Variants in SLC25A43 observed in about 807,000 individuals in gnomAD.
SLC25A43 encodes the protein solute carrier family 25, member 43.
A neutral mutation model predicts 22.8 loss-of-function variants in SLC25A43; 10 were observed. The observed-to-expected ratio is 0.44, with a 90% CI of 0.27 to 0.74. SLC25A43 has a LOEUF of 0.74. SLC25A43 is among the 30% of genes least tolerant of loss of function. The pLI is 0.17. For synonymous variants in SLC25A43, 106 were observed against 121.6 expected (o/e 0.87, Z 0.84); for missense variants, 233 against 279.1 (o/e 0.83, Z 1.18).
rs775379926 is a variant in SLC25A43, at chrX:119,410,256, C to T, written c.584C>T (p.Pro195Leu). ...AACCTGGAGAAAATCTGGAACGGAC[C>T]CCGAGATCAGTTCTCTCTCCCACAG... is the stretch of plus-strand genomic sequence containing the variant. Reference protein sequence around the residue: ...YMNLEKIWNGPRDQFSLPQNF... With the variant: ...YMNLEKIWNGLRDQFSLPQNF... The change falls in exon 3 of 5, where the codon CCC becomes CTC. Residue 195 changes from proline (P) to leucine (L), a missense_variant. Transcript: ENST00000217909. 3 of 1,210,442 alleles carry T rather than the reference C, an allele frequency of 2.5e-6. No homozygotes were observed. The highest frequency in any genetic ancestry group is 3.4e-6 in the Non-Finnish European group (3 of 894,982).
At chrX:119,451,831 C>T (rs761187557) in intron 3 of SLC25A43, 178 bp from the exon 4 acceptor site, 76 of 1,074,452 alleles carry the variant, frequency 7.1e-5, no homozygotes, top group African/African-American at 4.9e-4. Flanking sequence ...TTGTATTGCA[C>T]GTTAATATCT....
intron 3 of SLC25A43, among the ~76,000 whole-genome samples, chrX:119,427,534 C>G (rs983627075): frequency 8.9e-6 from 1 of 112,214 alleles, no homozygotes; most frequent in African/African-American, 3.2e-5. Context: ...CTATTTGGGT[C>G]CCGGCTATGC....
chrX:119,448,630 G>A (rs1021701326), intron 3 of SLC25A43, among the ~76,000 whole-genome samples: 1 of 111,682 alleles, frequency 9.0e-6, no homozygotes, highest in Non-Finnish European at 1.9e-5. Context: ...TCTCCAAAAA[G>A]CCATCTTCTT....
chrX:119,403,199 G>A lies in SLC25A43; in HGVS notation c.276-3261G>A, dbSNP rs1569364380. Among the ~76,000 whole-genome samples the A allele has an allele frequency of 2.7e-5, 3 of 111,000 alleles. No individual in the cohort carries two copies. The East Asian group carries it at 8.5e-4, about 31-fold the overall frequency. ...CCAAGTGGGATGGGGAATAAGAGTG[G>A]GACAAGGAGAATGAATGGTATTTCT... On this transcript the variant is annotated intron_variant, in intron 1 of 4. Coordinates refer to ENST00000217909, the MANE Select transcript of SLC25A43 (RefSeq NM_145305.3).
chrX:119,432,368 G>A (rs1037026925), intron 3 of SLC25A43, among the ~76,000 whole-genome samples: 2 of 111,807 alleles, frequency 1.8e-5, no homozygotes, highest in East Asian at 2.8e-4. Context: ...ATGATGTCTC[G>A]TGGGGGTAGA....
intron 3 of SLC25A43, among the ~76,000 whole-genome samples, chrX:119,413,122 GA>G (rs1206755252): frequency 3.0e-5 from 3 of 99,532 alleles, no homozygotes; most frequent in Admixed American, 1.1e-4. Flanking sequence ...CTGTCTCAAA[GA>G]AAAAAAAAAG....
chrX:119,405,537 T>C (rs1200036881), intron 1 of SLC25A43, among the ~76,000 whole-genome samples: 1 of 91,781 alleles, frequency 1.1e-5, no homozygotes, highest in Non-Finnish European at 2.0e-5. Flanking sequence ...GGCGGGCAGA[T>C]CACTTGAGCC....
chrX:119,434,025 A>G (rs779244247), intron 3 of SLC25A43, among the ~76,000 whole-genome samples: 5 of 111,796 alleles, frequency 4.5e-5, no homozygotes, highest in Non-Finnish European at 9.4e-5. Flanking sequence ...CCAGCTAGTA[A>G]CAGTTGTAGT....
chrX:119,405,408 A>G (rs1195288009), intron 1 of SLC25A43, among the ~76,000 whole-genome samples: 1 of 109,691 alleles, frequency 9.1e-6, no homozygotes, highest in African/African-American at 3.3e-5. Context: ...CTGAAAGAAC[A>G]GGAAATGCAC....
chrX:119,445,456 G>A (rs1182002424), intron 3 of SLC25A43, among the ~76,000 whole-genome samples: 1 of 112,136 alleles, frequency 8.9e-6, no homozygotes, highest in Non-Finnish European at 1.9e-5. Flanking sequence ...GGCATTGCCA[G>A]GGTTGTGCAG....
In SLC25A43 at chrX:119,410,678, C is replaced by T. The variant is rs191422803; in HGVS notation, c.690+316C>T. Among the ~76,000 whole-genome samples the T allele has an allele frequency of 4.0e-3, 442 of 110,660 alleles. 2 individuals are homozygous for T. The highest frequency in any genetic ancestry group is 0.014 in the African/African-American group (418 of 30,428). Reference sequence around the variant, plus strand: ...CGGAGGCGGGTGGATCACTTGAGGTCAGGAGTCCAAGACCAGCCTGGCCAA... The same window carrying T: ...CGGAGGCGGGTGGATCACTTGAGGTTAGGAGTCCAAGACCAGCCTGGCCAA... On this transcript the variant is annotated intron_variant, in intron 3 of 4. Transcript: ENST00000217909.
chrX:119,415,054 G>A (rs2052388234), intron 3 of SLC25A43, among the ~76,000 whole-genome samples: 1 of 108,826 alleles, frequency 9.2e-6, no homozygotes, highest in Non-Finnish European at 1.9e-5. Flanking sequence ...TGAGTAGCTG[G>A]GACTACAGGC....
At chrX:119,406,262 A>T (rs887293150) in intron 1 of SLC25A43, among the ~76,000 whole-genome samples, 198 bp from the exon 2 acceptor site, 3 of 112,466 alleles carry the variant, frequency 2.7e-5, no homozygotes, top group Non-Finnish European at 5.6e-5. Context: ...AAAGTTAGGC[A>T]TCTCTTATAG....
intron 3 of SLC25A43, among the ~76,000 whole-genome samples, chrX:119,419,339 CA>C (rs1394082889): frequency 9.0e-6 from 1 of 111,650 alleles, no homozygotes; most frequent in Non-Finnish European, 1.9e-5. Context: ...CATCACAGCT[CA>C]CAAGGTAAGC....
intron 3 of SLC25A43, among the ~76,000 whole-genome samples, chrX:119,444,657 C>T (rs1336510053): frequency 9.6e-6 from 1 of 104,490 alleles, no homozygotes; most frequent in East Asian, 3.0e-4. Flanking sequence ...GAGCCAAGAT[C>T]GTGGCATTGC....
intron 3 of SLC25A43, among the ~76,000 whole-genome samples, chrX:119,410,772 C>G (rs1603294754): frequency 9.0e-6 from 1 of 110,839 alleles, no homozygotes; most frequent in South Asian, 3.9e-4. Flanking sequence ...GCCTGTAATC[C>G]CAGCCACTCA....
rs201290473 is a variant in SLC25A43, at chrX:119,425,393, G to A, written c.690+15031G>A. Among the ~76,000 whole-genome samples, 12 of 111,659 alleles carry A rather than the reference G, an allele frequency of 1.1e-4. No individual in the cohort carries two copies. The East Asian group carries it at 2.8e-3, about 26-fold the overall frequency. On this transcript the variant is annotated intron_variant, in intron 3 of 4. Transcript: ENST00000217909. ...TTTTCTGCCTACTTCAATATTTCCC[G>A]GTTGGCATAGCATCTACTCTTAGTA...
intron 1 of SLC25A43, among the ~76,000 whole-genome samples, chrX:119,403,940 C>T (rs1344792755): frequency 2.8e-5 from 3 of 108,863 alleles, no homozygotes; most frequent in East Asian, 5.8e-4. Flanking sequence ...AGGTTAAGGG[C>T]TTGGTCCCCA....
At chrX:119,408,433 C>T (rs772547475) in intron 2 of SLC25A43, among the ~76,000 whole-genome samples, 12 of 111,074 alleles carry the variant, frequency 1.1e-4, no homozygotes, top group East Asian at 8.6e-4. Context: ...TTCATATAGC[C>T]CCCCTGTTGT....
Sources: gnomAD v4.1 joint callset for allele counts (sites outside exome capture counted in the v4.1 genomes callset) on GRCh38, gnomAD v4.1.1 for gene constraint, MANE v1.5 for transcripts, NCBI Gene and HGNC (gene_info 2026-07-23, HGNC 2026-07-21) for gene names.